Variants in TENM3 observed in about 807,000 individuals in gnomAD.
TENM3 encodes teneurin-3.
TENM3 carries 63 observed loss-of-function variants against 255.1 expected under a neutral mutation model. The ratio of observed to expected loss-of-function variants is 0.25; its 90% CI spans 0.20 to 0.30. The LOEUF is 0.30. TENM3 is among the 10% of genes least tolerant of loss of function. The pLI is 1.00. For missense variants in TENM3, 2,929 were observed against 3,461.1 expected (o/e 0.85, Z 3.86); for synonymous variants, 1,306 against 1,322.3 (o/e 0.99, Z 0.27).
At chr4:182,078,212 C>A in the TENM3 span, among the ~76,000 whole-genome samples, 1 of 152,000 alleles carries the variant, frequency 6.6e-6, no homozygotes, top group African/African-American at 2.4e-5. Flanking sequence ...GGTGACAGAG[C>A]AAGACCCTGT....
the TENM3 span, among the ~76,000 whole-genome samples, chr4:182,136,389 T>C: frequency 1.3e-5 from 2 of 152,324 alleles, no homozygotes; most frequent in South Asian, 4.1e-4. Flanking sequence ...TTCTGATTCT[T>C]TGTCCTACAC....
chr4:182,512,616 T>C (rs1360172445), intron 3 of TENM3, among the ~76,000 whole-genome samples: 1 of 152,182 alleles, frequency 6.6e-6, no homozygotes, highest in African/African-American at 2.4e-5. Flanking sequence ...ATTATTACCT[T>C]GAATATATGA....
At chr4:182,660,563 A>T (rs183757213) in intron 6 of TENM3, among the ~76,000 whole-genome samples, 5 of 152,362 alleles carry the variant, frequency 3.3e-5, no homozygotes, top group African/African-American at 1.2e-4. Flanking sequence ...GCAATTCAAG[A>T]TGATGCACTT....
intron 3 of TENM3, among the ~76,000 whole-genome samples, chr4:182,434,260 A>C (rs1771881659): frequency 6.6e-6 from 1 of 152,204 alleles, no homozygotes; most frequent in African/African-American, 2.4e-5. Flanking sequence ...GAATGGTGAT[A>C]ACCTTGAGAA....
the TENM3 span, among the ~76,000 whole-genome samples, chr4:181,721,447 A>C: frequency 1.4e-5 from 2 of 147,642 alleles, no homozygotes; most frequent in African/African-American, 4.9e-5. Context: ...ATACAAAAAA[A>C]AAATTAGCCG....
the TENM3 span, among the ~76,000 whole-genome samples, chr4:182,093,812 G>A: frequency 6.6e-6 from 1 of 152,236 alleles, no homozygotes; most frequent in South Asian, 2.1e-4. Flanking sequence ...ATCCGGCACT[G>A]TAGACACAAT....
the TENM3 span, among the ~76,000 whole-genome samples, chr4:181,455,922 C>A: frequency 6.6e-6 from 1 of 151,864 alleles, no homozygotes; most frequent in Non-Finnish European, 1.5e-5. Context: ...TCACTGTTCT[C>A]ACACTACGGT....
intron 1 of TENM3, among the ~76,000 whole-genome samples, chr4:182,261,388 T>C (rs893710992): frequency 2.0e-5 from 3 of 152,156 alleles, no homozygotes; most frequent in Non-Finnish European, 2.9e-5. Context: ...TTATGGCTGT[T>C]CCGGCATCGT....
At chr4:182,502,070 C>CA (rs1736371197) in intron 3 of TENM3, among the ~76,000 whole-genome samples, 1 of 152,198 alleles carries the variant, frequency 6.6e-6, no homozygotes, top group African/African-American at 2.4e-5. Context: ...TATGGAAACT[C>CA]ACTTGTCTGA....
At chr4:181,786,382 TATG>T in the TENM3 span, among the ~76,000 whole-genome samples, 2 of 151,940 alleles carry the variant, frequency 1.3e-5, no homozygotes, top group African/African-American at 2.4e-5. Flanking sequence ...TCATACAAAA[TATG>T]AGCTCAGAGG....
chr4:182,488,222 T>A (rs1455654585), intron 3 of TENM3, among the ~76,000 whole-genome samples: 1 of 152,102 alleles, frequency 6.6e-6, no homozygotes, highest in Non-Finnish European at 1.5e-5. Context: ...GAGACCAGAA[T>A]CAGAGAGGCA....
chr4:181,573,012 G>A, the TENM3 span, among the ~76,000 whole-genome samples: 2 of 149,040 alleles, frequency 1.3e-5, no homozygotes, highest in African/African-American at 5.0e-5. Flanking sequence ...CCTATGCCTA[G>A]CTTATTTCAC....
chr4:181,906,713 T>C, the TENM3 span, among the ~76,000 whole-genome samples: 2 of 152,124 alleles, frequency 1.3e-5, no homozygotes, highest in South Asian at 2.1e-4. Context: ...TTCTTGTTTC[T>C]TGTTTTTGTT....
At position 182,642,425 on chromosome 4, in the gene TENM3, T is replaced by C. The variant is rs369810008; in HGVS notation, c.989-11346T>C. 7.2e-5 allele frequency among the ~76,000 whole-genome samples: 11 copies of C among 152,316 alleles called. No homozygotes were observed. The East Asian group carries it at 1.5e-3, about 21-fold the overall frequency. ...ATAGGTGTCTTACTCTGCATCCACGTAGTTCAGAAAGAAAAAATGCAAGGA... is the reference window on the plus strand; with the variant it reads ...ATAGGTGTCTTACTCTGCATCCACGCAGTTCAGAAAGAAAAAATGCAAGGA... On this transcript the variant is annotated intron_variant, in intron 5 of 27. Coordinates refer to ENST00000511685, the MANE Select transcript of TENM3 (RefSeq NM_001080477.4).
intron 3 of TENM3, among the ~76,000 whole-genome samples, chr4:182,369,774 G>C (rs144825134): frequency 0.028 from 4,188 of 152,088 alleles, 114 homozygotes; most frequent in African/African-American, 0.067. Flanking sequence ...TCAGCTACTC[G>C]GGAGGCTGAG....
rs115721245 is a variant in TENM3, at chr4:182,633,886, T to C, written c.988+4997T>C. On this transcript the variant is annotated intron_variant, in intron 5 of 27. Coordinates refer to ENST00000511685, the MANE Select transcript of TENM3 (RefSeq NM_001080477.4). ...TCACATTTATGCTTTTGAAAGATTGTTTCAGTGGCCTTCCAGAACATGCAG... is the reference window on the plus strand; with the variant it reads ...TCACATTTATGCTTTTGAAAGATTGCTTCAGTGGCCTTCCAGAACATGCAG... Among the ~76,000 whole-genome samples the C allele has an allele frequency of 8.3e-3, 1,265 of 152,254 alleles. 17 individuals carry two copies. The highest frequency in any genetic ancestry group is 0.029 in the African/African-American group (1,198 of 41,552).
chr4:181,873,942 G>A, the TENM3 span, among the ~76,000 whole-genome samples: 4 of 151,844 alleles, frequency 2.6e-5, no homozygotes, highest in Admixed American at 1.3e-4. Flanking sequence ...GCACCACCAC[G>A]CCCAGCTAAT....
chr4:182,598,632 T>C (rs1462881551), intron 3 of TENM3, among the ~76,000 whole-genome samples: 1 of 152,208 alleles, frequency 6.6e-6, no homozygotes, highest in East Asian at 1.9e-4. Context: ...CCATAATGCT[T>C]TATTTTACCA....
the TENM3 span, among the ~76,000 whole-genome samples, chr4:181,797,059 G>A: frequency 6.6e-6 from 1 of 152,020 alleles, no homozygotes; most frequent in East Asian, 1.9e-4. Context: ...CCCATGTGGT[G>A]CCCAGTCCAC....
Sources: gnomAD v4.1 joint callset for allele counts (sites outside exome capture counted in the v4.1 genomes callset) on GRCh38, gnomAD v4.1.1 for gene constraint, MANE v1.5 for transcripts, NCBI Gene and HGNC (gene_info 2026-07-23, HGNC 2026-07-21) for gene names.